Variants in PCDHGA2 observed in about 807,000 individuals in gnomAD.
The protein encoded by PCDHGA2 is protocadherin gamma subfamily A, 2.
PCDHGA2 carries 40 observed loss-of-function variants against 59.2 expected under a neutral mutation model. That is an observed-to-expected ratio of 0.68 (90% CI 0.52 to 0.88). PCDHGA2 has a LOEUF of 0.88. Among genes scored for constraint, PCDHGA2 ranks in the 40% least tolerant of loss-of-function variants. The probability of loss-of-function intolerance (pLI) is 0.00; values close to 1 mark genes in which losing one functional copy is unlikely to be tolerated. For missense variants in PCDHGA2, 1,226 were observed against 1,204.0 expected (o/e 1.02, Z -0.27); for synonymous variants, 560 against 526.0 (o/e 1.06, Z -0.89).
rs17097294 is a variant in PCDHGA2 at position 141,425,513 on chromosome 5, T to G, written c.2425-69294T>G. On this transcript the variant is annotated intron_variant, in intron 1 of 3. Coordinates refer to ENST00000394576, the MANE Select transcript of PCDHGA2 (RefSeq NM_018915.4). ...AGGCTATACCTTTATATTCTCTTTA[T>G]GATGAAACATGAAACAATAATCCTT... Among the ~76,000 whole-genome samples, 699 of 152,380 alleles carry G rather than the reference T, an allele frequency of 4.6e-3. 4 individuals carry two copies. The highest frequency in any genetic ancestry group is 0.015 in the African/African-American group (636 of 41,592).
rs1561869085 is a variant in PCDHGA2, at chr5:141,433,357, GCCTA to G, written c.2425-61449_2425-61446del. On this transcript the variant is annotated intron_variant, in intron 1 of 3. Transcript: ENST00000394576. ...TACAGGTGCAAGCCACCTACTGTCT[GCCTA>G]TCTATCTATCTATCTATCTATCTAT... is the stretch of plus-strand genomic sequence containing the variant. 3 of 568,974 alleles carry G rather than the reference GCCTA, an allele frequency of 5.3e-6. No homozygotes were observed. In the African/African-American group the frequency reaches 6.4e-5, roughly 12 times the overall value. The allele number at this position is 568,974 out of a possible 1,614,324, so 35.2% of individuals were successfully genotyped here.
chr5:141,419,738 C>T (rs745596534), intron 1 of PCDHGA2: 2 of 1,613,796 alleles, frequency 1.2e-6, no homozygotes, highest in Non-Finnish European at 1.7e-6. Flanking sequence ...AGGCGAGGTG[C>T]GCATGGTGCG....
At position 141,339,529 on chromosome 5, in the gene PCDHGA2, T is replaced by A. The variant is rs1255226874; in HGVS notation, c.558T>A (p.Ala186=). Residue 186 remains alanine, a synonymous_variant, in exon 1 of 4, where the codon GCT becomes GCA. Transcript: ENST00000394576. ...DHFSLDVRRG[A]DGNKYPELVL... is the part of the protein sequence containing the mutation. The stretch of plus-strand genomic sequence containing the variant: ...TCTCCCTGGACGTGCGAAGGGGAGC[T>A]GATGGGAACAAGTACCCAGAACTGG... The A allele has an allele frequency of 6.2e-7, 1 of 1,614,124 alleles. No homozygotes were observed. Among genetic ancestry groups the A allele is most frequent in the Non-Finnish European group, 8.5e-7 (1 of 1,180,020 alleles).
rs189836587 is a variant in PCDHGA2, at chr5:141,376,293, G to A, written c.2424+34898G>A. 14 of 1,614,094 alleles carry A rather than the reference G, an allele frequency of 8.7e-6. No homozygotes were observed. In the Admixed American group the frequency reaches 2.0e-4, roughly 23 times the overall value. On this transcript the variant is annotated intron_variant, in intron 1 of 3. Coordinates refer to ENST00000394576, the MANE Select transcript of PCDHGA2 (RefSeq NM_018915.4). ...GGAGGTGGCTTAGCGAGCATGCCCG[G>A]CTCGCACTTTGTGGGCGTGGAAGGG... is the stretch of plus-strand genomic sequence containing the variant.
intron 1 of PCDHGA2, chr5:141,393,292 C>T: frequency 6.2e-7 from 1 of 1,613,946 alleles, no homozygotes; most frequent in Non-Finnish European, 8.5e-7. Context: ...GCTGTTGACC[C>T]GGATGTGGGC....
At position 141,399,531 on chromosome 5, in the gene PCDHGA2, G is replaced by T. The variant is rs771221717; in HGVS notation, c.2424+58136G>T. 24 of 1,614,052 alleles carry T rather than the reference G, an allele frequency of 1.5e-5. No homozygotes were observed. The South Asian group carries it at 2.0e-4, about 13-fold the overall frequency. ...ACAACCCTCCTGGGGCCTCCATCGC[G>T]CAAGTCTGCGCCTCGGACCTGGACT... On this transcript the variant is annotated intron_variant, in intron 1 of 3. Coordinates refer to ENST00000394576, the MANE Select transcript of PCDHGA2 (RefSeq NM_018915.4).
intron 1 of PCDHGA2, among the ~76,000 whole-genome samples, chr5:141,370,104 TCTC>T (rs1276559358): frequency 6.6e-6 from 1 of 152,240 alleles, no homozygotes; most frequent in African/African-American, 2.4e-5. Context: ...TGCCGATTTT[TCTC>T]CTAACTAGCT....
At chr5:141,420,369 T>C in intron 1 of PCDHGA2, 2 of 1,349,364 alleles carry the variant, frequency 1.5e-6, no homozygotes, top group Non-Finnish European at 2.0e-6. Flanking sequence ...AGATAACTTC[T>C]TCATAGAGTT....
Position 141,490,765 on chromosome 5 carries a change from G to A in PCDHGA2, c.2425-4042G>A. The A allele has an allele frequency of 6.2e-7, 1 of 1,614,076 alleles. No individual in the cohort carries two copies. The highest frequency in any genetic ancestry group is 8.5e-7 in the Non-Finnish European group (1 of 1,179,914). ...AGCCCCAGCCTCCTCCTTTGTGTAT[G>A]TCAACCCAGAGGATGGACGGATCTT... On this transcript the variant is annotated intron_variant, in intron 1 of 3. Coordinates refer to ENST00000394576, the MANE Select transcript of PCDHGA2 (RefSeq NM_018915.4). This position sits in a 1 kb window ranked among gnomAD's most constrained non-coding sequence, Gnocchi z 5.4.
intron 1 of PCDHGA2, chr5:141,393,596 G>T (rs775299518): frequency 1.2e-6 from 2 of 1,613,900 alleles, no homozygotes; most frequent in Non-Finnish European, 8.5e-7. Context: ...GCACGCGGCT[G>T]CTTACTGTAA....
chr5:141,500,104 T>G (rs917633032), intron 2 of PCDHGA2, among the ~76,000 whole-genome samples: 4 of 152,124 alleles, frequency 2.6e-5, no homozygotes, highest in Non-Finnish European at 4.4e-5. Flanking sequence ...AATTTATTTG[T>G]TGAATCCCTG....
intron 1 of PCDHGA2, chr5:141,417,619 C>A: frequency 1.5e-6 from 1 of 656,120 alleles, no homozygotes; most frequent in South Asian, 2.4e-5. Flanking sequence ...CAGTGCAGAG[C>A]AAGCGCTGAC....
intron 1 of PCDHGA2, chr5:141,356,342 T>A: frequency 6.4e-7 from 1 of 1,555,016 alleles, no homozygotes; most frequent in Non-Finnish European, 8.7e-7. Context: ...GGAAATGGCC[T>A]AGTCACATGT....
rs777895357 is a variant in PCDHGA2, at chr5:141,357,337, G to A, written c.2424+15942G>A. On this transcript the variant is annotated intron_variant, in intron 1 of 3. Coordinates refer to ENST00000394576, the MANE Select transcript of PCDHGA2 (RefSeq NM_018915.4). ...CCTGGCTTTTGTCACGGTGCTGCTA[G>A]CACTCAAGCTGAGACGCTGGCACAA... The A allele has an allele frequency of 1.7e-5, 28 of 1,614,000 alleles. No homozygotes were observed. The highest frequency in any genetic ancestry group is 2.3e-5 in the Non-Finnish European group (27 of 1,179,954).
chr5:141,372,918 G>C (rs1350578389), intron 1 of PCDHGA2: 1 of 1,022,894 alleles, frequency 9.8e-7, no homozygotes, highest in African/African-American at 1.6e-5. Context: ...TTATTTTATT[G>C]ATTTTCTGGT....
intron 1 of PCDHGA2, among the ~76,000 whole-genome samples, chr5:141,401,114 CG>C (rs566829189): frequency 5.5e-4 from 84 of 152,224 alleles, no homozygotes; most frequent in African/African-American, 2.0e-3. Context: ...GAGGCCGAGG[CG>C]GTTGGATCAC....
chr5:141,445,608 C>T (rs2098472204), intron 1 of PCDHGA2, among the ~76,000 whole-genome samples: 1 of 152,108 alleles, frequency 6.6e-6, no homozygotes, highest in South Asian at 2.1e-4. Context: ...TCAAGGAAGG[C>T]TTTCTTTTTT....
At chr5:141,421,407 G>T in intron 1 of PCDHGA2, 1 of 1,614,076 alleles carries the variant, frequency 6.2e-7, no homozygotes. Flanking sequence ...CCCGGGAGCT[G>T]GCGAAGCGCG....
chr5:141,479,845 A>T (rs895639749), intron 1 of PCDHGA2, among the ~76,000 whole-genome samples: 4 of 152,210 alleles, frequency 2.6e-5, no homozygotes, highest in Admixed American at 1.3e-4. Flanking sequence ...ATGCAAGGTG[A>T]CTGCAAGGCC....
Sources: gnomAD v4.1 joint callset for allele counts (sites outside exome capture counted in the v4.1 genomes callset) on GRCh38, gnomAD v4.1.1 for gene constraint, Gnocchi (gnomAD v3.1) non-coding constraint, MANE v1.5 for transcripts, NCBI Gene and HGNC (gene_info 2026-07-23, HGNC 2026-07-21) for gene names.